Variants in LRRC56 observed in about 807,000 individuals in gnomAD.
The protein encoded by LRRC56 is leucine rich repeat containing 56.
LRRC56 carries 41 observed loss-of-function variants against 47.8 expected under a neutral mutation model. The ratio of observed to expected loss-of-function variants is 0.86; its 90% CI spans 0.67 to 1.11. The LOEUF (loss-of-function observed/expected upper bound fraction) is 1.11, where lower values mean the gene tolerates loss of function less well. Among genes scored for constraint, LRRC56 ranks in the 50% most tolerant of loss-of-function variants. The pLI is 0.00. For missense variants in LRRC56, 759 were observed against 704.2 expected, an observed-to-expected ratio of 1.08 and a Z score of -0.88; for synonymous variants, 387 against 311.2, an observed-to-expected ratio of 1.24 and a Z score of -2.56.
At chr11:549,654 C>T (rs145555297) in intron 6 of LRRC56, among the ~76,000 whole-genome samples, 3 of 152,350 alleles carry the variant, frequency 2.0e-5, no homozygotes, top group Non-Finnish European at 4.4e-5. Context: ...ATGAGGGCAG[C>T]GCCTTGGGCA....
At chr11:517,916 A>C in the LRRC56 span, among the ~76,000 whole-genome samples, 1 of 152,192 alleles carries the variant, frequency 6.6e-6, no homozygotes, top group Non-Finnish European at 1.5e-5. Flanking sequence ...TCAGGGTTAA[A>C]TGGATTAAGG....
chr11:512,133 A>G, the LRRC56 span, among the ~76,000 whole-genome samples: 1 of 152,064 alleles, frequency 6.6e-6, no homozygotes, highest in East Asian at 1.9e-4. Context: ...TGGTAGAGAC[A>G]GTGTTTCACC....
intron 1 of LRRC56, among the ~76,000 whole-genome samples, chr11:538,259 C>T (rs992776648): frequency 1.4e-4 from 21 of 152,180 alleles, no homozygotes; most frequent in African/African-American, 4.6e-4. Flanking sequence ...GTAGCTGACT[C>T]AGCCCTTAGT....
rs780079731 is a variant in LRRC56 at position 544,777 on chromosome 11, T to C, written c.323T>C (p.Leu108Pro). The C allele has an allele frequency of 3.1e-6, 5 of 1,590,076 alleles. No individual in the cohort carries two copies. The African/African-American group carries it at 7.2e-5, about 23-fold the overall frequency. The change falls in exon 6 of 14, where the codon CTG (leucine) becomes CCG (proline). Residue 108 changes from leucine (L) to proline (P), a missense_variant. By Grantham distance (98) the Leu-to-Pro change is moderately conservative. Transcript: ENST00000270115. Reference sequence around the variant, plus strand: ...CTGAACGGCAGCCACCTGGGCTCCCTGAGGTGAGCGCCTGAGGGGGGTGGG... The same window carrying C: ...CTGAACGGCAGCCACCTGGGCTCCCCGAGGTGAGCGCCTGAGGGGGGTGGG... ...LKLNGSHLGS[L>P]RDLGTSLGHL...
chr11:542,623 C>A (rs974416814), intron 5 of LRRC56, among the ~76,000 whole-genome samples: 1 of 145,690 alleles, frequency 6.9e-6, no homozygotes, highest in Non-Finnish European at 1.5e-5. Context: ...CCCCGCCCTC[C>A]GCCAGGTTCC....
chr11:510,628 C>G, the LRRC56 span, among the ~76,000 whole-genome samples: 1 of 152,106 alleles, frequency 6.6e-6, no homozygotes, highest in Non-Finnish European at 1.5e-5. Context: ...ATCCCAGCTA[C>G]TCGGGAGACT....
intron 3 of LRRC56, among the ~76,000 whole-genome samples, chr11:540,333 T>C (rs1264847641): frequency 6.6e-6 from 1 of 152,132 alleles, no homozygotes; most frequent in Non-Finnish European, 1.5e-5. Flanking sequence ...CACCCCAGGC[T>C]CACAGCCCCT....
chr11:523,051 CTG>C, the LRRC56 span, among the ~76,000 whole-genome samples: 4 of 151,814 alleles, frequency 2.6e-5, no homozygotes, highest in Non-Finnish European at 5.9e-5. Context: ...TTTGTTGAGA[CTG>C]AGCCTCGCTA....
At chr11:534,307 G>A (rs763376142), upstream of LRRC56, 7 of 1,612,882 alleles carry the variant, frequency 4.3e-6, no homozygotes, top group East Asian at 1.1e-4. Flanking sequence ...ACCACCACCA[G>A]CTTATATTCC....
At chr11:532,694 A>G, upstream of LRRC56, 1 of 1,613,192 alleles carries the variant, frequency 6.2e-7, no homozygotes, top group Non-Finnish European at 8.5e-7. Flanking sequence ...AGGAGGGTTC[A>G]GCTTCCGCAG....
chr11:543,497 G>A (rs1049613626), intron 5 of LRRC56, among the ~76,000 whole-genome samples: 1 of 152,134 alleles, frequency 6.6e-6, no homozygotes, highest in African/African-American at 2.4e-5. Flanking sequence ...TTATAGGTGT[G>A]AGCCACCACG....
At chr11:525,309 G>GT in the LRRC56 span, among the ~76,000 whole-genome samples, 41 of 152,040 alleles carry the variant, frequency 2.7e-4, no homozygotes, top group Middle Eastern at 3.4e-3. Context: ...GGAGGCCAAG[G>GT]CGGGCGGATC....
intron 6 of LRRC56, among the ~76,000 whole-genome samples, chr11:547,407 G>A (rs954164034): frequency 6.6e-6 from 1 of 151,566 alleles, no homozygotes; most frequent in African/African-American, 2.4e-5. Context: ...AGGCTGGAGT[G>A]CAGTGGCGCA....
the LRRC56 span, among the ~76,000 whole-genome samples, chr11:517,097 G>A: frequency 3.1e-4 from 47 of 152,238 alleles, no homozygotes; most frequent in African/African-American, 1.1e-3. Flanking sequence ...TGGTCTGCCC[G>A]CCTCGGCCTC....
At position 538,657 on chromosome 11, in the gene LRRC56, G is replaced by C. The variant is rs1445145954; in HGVS notation, c.-362G>C. 1 of 152,292 alleles carries C rather than the reference G, an allele frequency of 6.6e-6. No individual in the cohort carries two copies. Among genetic ancestry groups the C allele is most frequent in the Non-Finnish European group, 1.5e-5 (1 of 68,060 alleles). The allele number at this position is 152,292 out of a possible 1,614,324, so 9.4% of individuals were successfully genotyped here. ...ACGGGATGGAGAGGATGCATCTTCA[G>C]TGTCCACACGTGGTCAACAGATAAA... is the stretch of plus-strand genomic sequence containing the variant. On this transcript the variant is annotated 5_prime_UTR_variant, in exon 2 of 14. Coordinates refer to ENST00000270115, the MANE Select transcript of LRRC56 (RefSeq NM_198075.4).
At chr11:536,512 A>G (rs1397521921), upstream of LRRC56, among the ~76,000 whole-genome samples, 1 of 152,170 alleles carries the variant, frequency 6.6e-6, no homozygotes, top group Non-Finnish European at 1.5e-5. Flanking sequence ...GCTCACGCCT[A>G]TAATCCCAGC....
chr11:509,143 G>A, the LRRC56 span, among the ~76,000 whole-genome samples: 2 of 152,134 alleles, frequency 1.3e-5, no homozygotes, highest in African/African-American at 4.8e-5. Context: ...AGCCAACCTG[G>A]CTGTGACCCT....
At chr11:511,856 C>CCA in the LRRC56 span, among the ~76,000 whole-genome samples, 1 of 152,184 alleles carries the variant, frequency 6.6e-6, no homozygotes, top group Admixed American at 6.6e-5. Context: ...CAGCCACCCC[C>CCA]CACACACACA....
At chr11:540,615 C>G in intron 3 of LRRC56, 59 bp from the exon 4 acceptor site, 3 of 1,481,424 alleles carry the variant, frequency 2.0e-6, no homozygotes, top group East Asian at 2.4e-5. Context: ...GGGTCTCAGC[C>G]GGGCTGCAGA....
Sources: allele counts gnomAD v4.1 joint callset (sites outside exome capture counted in the v4.1 genomes callset), GRCh38; gene constraint gnomAD v4.1.1; transcripts MANE v1.5; gene names NCBI Gene and HGNC (gene_info 2026-07-23, HGNC 2026-07-21).